CRK: variants seen among roughly 807,000 people sequenced by gnomAD.
CRK encodes CRK proto-oncogene, adaptor protein.
CRK carries 4 observed loss-of-function variants against 29.8 expected under a neutral mutation model. The ratio of observed to expected loss-of-function variants is 0.13; its 90% CI spans 0.07 to 0.31. The LOEUF (loss-of-function observed/expected upper bound fraction) is 0.31. Ranked by LOEUF, CRK falls within the 10% of genes least tolerant of loss-of-function variation. The probability of loss-of-function intolerance (pLI) is 1.00; values close to 1 mark genes in which losing one functional copy is unlikely to be tolerated. For missense variants in CRK, 274 were observed against 396.5 expected (o/e 0.69, Z 2.62); for synonymous variants, 153 against 164.9 (o/e 0.93, Z 0.55).
At chr17:1,438,725 G>A (rs1301912062) in intron 1 of CRK, among the ~76,000 whole-genome samples, 2 of 152,068 alleles carry the variant, frequency 1.3e-5, no homozygotes, top group Admixed American at 6.6e-5. Context: ...AGTGTGTATG[G>A]TGGCCCTACA....
At chr17:1,444,923 C>T (rs1381376464) in intron 1 of CRK, among the ~76,000 whole-genome samples, 3 of 151,742 alleles carry the variant, frequency 2.0e-5, no homozygotes, top group African/African-American at 4.8e-5. Flanking sequence ...CCGAGGCAGG[C>T]GGATCACGAG....
At chr17:1,435,087 T>C (rs373560120) in intron 2 of CRK, among the ~76,000 whole-genome samples, 1 of 151,858 alleles carries the variant, frequency 6.6e-6, no homozygotes, top group Non-Finnish European at 1.5e-5. Flanking sequence ...TGAGACAGAG[T>C]CTCACCCTGT....
At chr17:1,450,116 G>A (rs1016516122) in intron 1 of CRK, among the ~76,000 whole-genome samples, 7 of 152,168 alleles carry the variant, frequency 4.6e-5, no homozygotes, top group East Asian at 3.8e-4. Flanking sequence ...TGAGGCAGGA[G>A]AATGGCTTGA....
intron 2 of CRK, among the ~76,000 whole-genome samples, chr17:1,433,143 A>G (rs2073859594): frequency 6.6e-6 from 1 of 152,222 alleles, no homozygotes; most frequent in Non-Finnish European, 1.5e-5. Flanking sequence ...TACCCAGCTG[A>G]TCAATGCGTT....
intron 1 of CRK, among the ~76,000 whole-genome samples, chr17:1,441,496 G>C (rs1006472469): frequency 1.3e-5 from 2 of 151,664 alleles, no homozygotes; most frequent in African/African-American, 4.8e-5. Flanking sequence ...GCACCCAGCT[G>C]ATTTTTTTTT....
chr17:1,444,528 T>TA (rs574214344), intron 1 of CRK, among the ~76,000 whole-genome samples: 62 of 118,726 alleles, frequency 5.2e-4, no homozygotes, highest in African/African-American at 1.7e-3. Flanking sequence ...CTGTCTCAAT[T>TA]AAAAAAATAA....
Position 1,437,404 on chromosome 17 carries a change from C to CA in CRK, c.242-250dup, listed in dbSNP as rs544674176. 9.3e-5 allele frequency among the ~76,000 whole-genome samples: 14 copies of CA among 151,108 alleles called. No homozygotes were observed. In the South Asian group the frequency reaches 1.3e-3, roughly 14 times the overall value. On this transcript the variant is annotated intron_variant, in intron 1 of 2. Transcript: ENST00000300574. ...ACACATTTAGTCAAGATTTAATCAG[C>CA]AAAAAAAACTCTAGAAAAAATAACC...
chr17:1,432,931 C>T (rs2073857741), intron 2 of CRK, among the ~76,000 whole-genome samples: 1 of 152,090 alleles, frequency 6.6e-6, no homozygotes, highest in Admixed American at 6.6e-5. Context: ...ATATAACAAG[C>T]ATCCTTTCAT....
chr17:1,449,110 T>C (rs992832851), intron 1 of CRK, among the ~76,000 whole-genome samples: 1 of 152,090 alleles, frequency 6.6e-6, no homozygotes, highest in Admixed American at 6.6e-5. Context: ...TCACAAACTA[T>C]TACCACCCTA....
At chr17:1,423,711 C>G (rs2073749589) in intron 2 of CRK, 61 bp from the exon 3 acceptor site, 1 of 1,597,352 alleles carries the variant, frequency 6.3e-7, no homozygotes, top group South Asian at 1.1e-5. Flanking sequence ...CTGAACAACT[C>G]CATTCTCTGG....
intron 1 of CRK, among the ~76,000 whole-genome samples, chr17:1,440,247 C>T (rs555118567): frequency 9.9e-5 from 15 of 151,098 alleles, no homozygotes; most frequent in African/African-American, 2.2e-4. Context: ...TGCGGTGAGC[C>T]GAGATCGCGC....
chr17:1,436,598 C>A, intron 2 of CRK, 22 bp downstream of exon 2: 1 of 1,573,214 alleles, frequency 6.4e-7, no homozygotes, highest in Non-Finnish European at 8.6e-7. Flanking sequence ...TCTCTTCTTT[C>A]TACATTGTGC....
intron 1 of CRK, among the ~76,000 whole-genome samples, chr17:1,441,434 T>C (rs1336361894): frequency 6.6e-6 from 1 of 152,170 alleles, no homozygotes; most frequent in Non-Finnish European, 1.5e-5. Context: ...GCTCAAGATA[T>C]TCTCCCACCT....
chr17:1,423,580 C>A lies in CRK; in HGVS notation c.848G>T (p.Arg283Leu). ...GQWEGECNGK[R>L]GHFPFTHVRL... Reference sequence around the variant, plus strand: ...GACATGTGTGAATGGGAAGTGACCTCGTTTGCCATTACACTCCCCTTCCCA... The same window carrying A: ...GACATGTGTGAATGGGAAGTGACCTAGTTTGCCATTACACTCCCCTTCCCA... The change falls in exon 3 of 3, where the codon CGA becomes CTA. Residue 283 changes from arginine to leucine, a missense_variant. Arg to Leu is a moderately radical substitution (Grantham distance 102). This residue lies in a region of CRK where 121 missense variants were observed against 154.3 expected (regional missense o/e 0.78). Transcript: ENST00000300574. 1.2e-6 allele frequency: 2 copies of A among 1,614,114 alleles called. No homozygotes were observed. The highest frequency in any genetic ancestry group is 1.7e-6 in the Non-Finnish European group (2 of 1,180,012).
intron 1 of CRK, among the ~76,000 whole-genome samples, chr17:1,439,780 C>T (rs1289697419): frequency 6.6e-6 from 1 of 152,006 alleles, no homozygotes; most frequent in Non-Finnish European, 1.5e-5. Flanking sequence ...AAGGTCAAGG[C>T]TACAGTGAGC....
intron 1 of CRK, among the ~76,000 whole-genome samples, chr17:1,447,041 C>T (rs1217489564): frequency 6.6e-6 from 1 of 152,160 alleles, no homozygotes; most frequent in Non-Finnish European, 1.5e-5. Flanking sequence ...CTGTGAACTG[C>T]TGGGGGCCAT....
chr17:1,424,725 C>T (rs1478285923), intron 2 of CRK: 1 of 152,234 alleles, frequency 6.6e-6, no homozygotes, highest in Non-Finnish European at 1.5e-5. Flanking sequence ...AAAAACCAAC[C>T]ATGGCCGGGC....
chr17:1,451,192 CA>C lies in CRK; in HGVS notation c.241+4684del, dbSNP rs10691537. On this transcript the variant is annotated intron_variant, in intron 1 of 2. Transcript: ENST00000300574. ...TCGGTGACAGAGCGAGAAACTGTCTCAAAAAAAAAAAAAAAAAAAGCAATAA... is the reference window on the plus strand; with the variant it reads ...TCGGTGACAGAGCGAGAAACTGTCTCAAAAAAAAAAAAAAAAAAGCAATAA... Among the ~76,000 whole-genome samples the C allele has an allele frequency of 3.9e-3, 259 of 66,966 alleles. 1 individual carries two copies. The highest frequency in any genetic ancestry group is 0.011 in the African/African-American group (180 of 16,152). The allele number at this position is 66,966 out of a possible 152,430, so 43.9% of individuals were successfully genotyped here.
intron 2 of CRK, among the ~76,000 whole-genome samples, chr17:1,427,386 G>A (rs1263792508): frequency 6.6e-6 from 1 of 151,798 alleles, no homozygotes; most frequent in African/African-American, 2.4e-5. Context: ...GAGGTCAGGA[G>A]ATCCAGACCA....
Sources: allele counts gnomAD v4.1 joint callset (sites outside exome capture counted in the v4.1 genomes callset), GRCh38; gene constraint gnomAD v4.1.1; regional missense constraint gnomAD v4.1.1; transcripts MANE v1.5; gene names NCBI Gene and HGNC (gene_info 2026-07-23, HGNC 2026-07-21).